The following PDZD2 variants were observed in gnomAD, a reference collection of about 807,000 sequenced individuals.
PDZD2 encodes the protein PDZ domain containing 2.
A neutral mutation model predicts 220.7 loss-of-function variants in PDZD2; 90 were observed. The ratio of observed to expected loss-of-function variants is 0.41; its 90% CI spans 0.34 to 0.49. PDZD2 has a LOEUF of 0.49. Ranked by LOEUF, PDZD2 falls within the 20% of genes least tolerant of loss-of-function variation. The pLI, the probability that PDZD2 is intolerant of heterozygous loss-of-function variation, is 0.28. For missense variants in PDZD2, 3,174 were observed against 3,608.5 expected, an observed-to-expected ratio of 0.88 and a Z score of 3.08; for synonymous variants, 1,375 against 1,450.5, an observed-to-expected ratio of 0.95 and a Z score of 1.18.
chr5:31,960,242 G>A (rs1748090506), intron 2 of PDZD2, among the ~76,000 whole-genome samples: 1 of 149,236 alleles, frequency 6.7e-6, no homozygotes, highest in African/African-American at 2.5e-5. Flanking sequence ...TTTTGACGAA[G>A]TTTCACTCTT....
intron 2 of PDZD2, among the ~76,000 whole-genome samples, chr5:31,868,655 C>T (rs762798519): frequency 2.0e-5 from 3 of 152,242 alleles, no homozygotes; most frequent in East Asian, 1.9e-4. Flanking sequence ...TCCTGGGCCC[C>T]TTGTTCTGGG....
At chr5:32,054,577 A>G (rs987438043) in intron 10 of PDZD2, among the ~76,000 whole-genome samples, 6 of 151,894 alleles carry the variant, frequency 4.0e-5, no homozygotes, top group Non-Finnish European at 7.4e-5. Context: ...CGCCCACCTC[A>G]ACCTCACAAA....
chr5:32,014,309 T>C (rs1384586649), intron 6 of PDZD2, among the ~76,000 whole-genome samples: 2 of 152,176 alleles, frequency 1.3e-5, no homozygotes, highest in East Asian at 1.9e-4. Flanking sequence ...GGATCTGCCA[T>C]GCGTCCCCTT....
chr5:31,807,652 G>C (rs961154561), intron 2 of PDZD2, among the ~76,000 whole-genome samples: 1 of 152,190 alleles, frequency 6.6e-6, no homozygotes, highest in Admixed American at 6.5e-5. Flanking sequence ...TGAGCGAGTG[G>C]CGTGGCATGG....
rs755177769 is a variant in PDZD2 at position 32,104,716 on chromosome 5, T to TAAAA, written c.8354-3226_8354-3223dup. Among the ~76,000 whole-genome samples, 50 of 30,088 alleles carry TAAAA rather than the reference T, an allele frequency of 1.7e-3. 2 individuals are homozygous for TAAAA. The highest frequency in any genetic ancestry group is 2.9e-3 in the African/African-American group (37 of 12,858). The allele number at this position is 30,088 out of a possible 152,430, so 19.7% of individuals were successfully genotyped here. A position where few individuals can be genotyped will look rare whatever the true frequency, so the allele number is the denominator to read the frequency against. ...GCCTGGGGTCAGAGAAGGCTCCATCTAAAAAAAAAAAAAAAAAAAAAAAAA... is the reference window on the plus strand; with the variant it reads ...GCCTGGGGTCAGAGAAGGCTCCATCTAAAAAAAAAAAAAAAAAAAAAAAAAAAAA... On this transcript the variant is annotated intron_variant, in intron 24 of 24. Transcript: ENST00000438447.
chr5:31,669,024 G>A (rs1190632943), intron 1 of PDZD2, among the ~76,000 whole-genome samples: 2 of 152,104 alleles, frequency 1.3e-5, no homozygotes, highest in South Asian at 4.2e-4. Context: ...GGGTGACTTT[G>A]CCCCAGGGGA....
At chr5:32,103,050 A>T (rs1744408104) in intron 24 of PDZD2, among the ~76,000 whole-genome samples, 1 of 152,230 alleles carries the variant, frequency 6.6e-6, no homozygotes, top group Non-Finnish European at 1.5e-5. Context: ...AGAAACCATT[A>T]AAAAATGCAG....
chr5:31,863,744 A>G (rs1044248375), intron 2 of PDZD2, among the ~76,000 whole-genome samples: 2 of 152,208 alleles, frequency 1.3e-5, no homozygotes, highest in African/African-American at 2.4e-5. Flanking sequence ...CTTAGACAAT[A>G]TAAGCATTCC....
intron 6 of PDZD2, among the ~76,000 whole-genome samples, chr5:32,029,615 G>T (rs1754968831): frequency 6.6e-6 from 1 of 152,112 alleles, no homozygotes; most frequent in African/African-American, 2.4e-5. Flanking sequence ...CTCACCATAG[G>T]CAACCTCAGT....
intron 1 of PDZD2, among the ~76,000 whole-genome samples, chr5:31,644,306 A>G (rs901283621): frequency 6.6e-6 from 1 of 152,208 alleles, no homozygotes; most frequent in Non-Finnish European, 1.5e-5. Context: ...TACTTTAGAA[A>G]TAGAGAAAAG....
At chr5:31,757,753 T>C (rs1416266272) in intron 1 of PDZD2, among the ~76,000 whole-genome samples, 1 of 152,168 alleles carries the variant, frequency 6.6e-6, no homozygotes, top group Non-Finnish European at 1.5e-5. Flanking sequence ...GGTTTTGTTA[T>C]GGGCTCAGGA....
chr5:31,811,851 G>A (rs534644226), intron 2 of PDZD2, among the ~76,000 whole-genome samples: 4 of 152,056 alleles, frequency 2.6e-5, no homozygotes, highest in East Asian at 1.9e-4. Flanking sequence ...TTAGCCAGGC[G>A]TGGTGGTGCG....
At chr5:31,678,581 C>G (rs1746534982) in intron 1 of PDZD2, among the ~76,000 whole-genome samples, 1 of 152,060 alleles carries the variant, frequency 6.6e-6, no homozygotes, top group Non-Finnish European at 1.5e-5. Context: ...TCACAGCACC[C>G]CCTACAGCCT....
rs116171324 is a variant in PDZD2, at chr5:31,994,450, C to G, written c.979-1126C>G. Among the ~76,000 whole-genome samples, 364 of 152,104 alleles carry G rather than the reference C, an allele frequency of 2.4e-3. 3 individuals are homozygous for G. The highest frequency in any genetic ancestry group is 8.2e-3 in the African/African-American group (340 of 41,508). Reference sequence around the variant, plus strand: ...TTGTTTTGGTTTCTCTACCAAACGTCTCATTTATATGTTTTAAGGAAGTTT... The same window carrying G: ...TTGTTTTGGTTTCTCTACCAAACGTGTCATTTATATGTTTTAAGGAAGTTT... On this transcript the variant is annotated intron_variant, in intron 3 of 24. Transcript: ENST00000438447.
At chr5:31,992,825 A>G (rs1751322252) in intron 3 of PDZD2, among the ~76,000 whole-genome samples, 1 of 151,574 alleles carries the variant, frequency 6.6e-6, no homozygotes, top group Admixed American at 6.6e-5. Flanking sequence ...CACGGAAAAA[A>G]ACAGCCAGCA....
intron 2 of PDZD2, among the ~76,000 whole-genome samples, chr5:31,948,132 T>G (rs1391167142): frequency 6.6e-6 from 1 of 152,200 alleles, no homozygotes; most frequent in Non-Finnish European, 1.5e-5. Flanking sequence ...AGTACATCAC[T>G]TCTGAATTTC....
Position 32,103,523 on chromosome 5 carries a change from C to CA in PDZD2, c.8353+2285dup, listed in dbSNP as rs1744457992. The CA allele has an allele frequency of 2.0e-5, 3 of 152,314 alleles. 1 individual carries two copies. Among genetic ancestry groups the CA allele is most frequent in the Non-Finnish European group, 2.9e-5 (2 of 68,030 alleles). 9.4% of individuals were successfully genotyped at this position (152,314 alleles called of 1,614,324 possible). On this transcript the variant is annotated intron_variant, in intron 24 of 24. Coordinates refer to ENST00000438447, the MANE Select transcript of PDZD2 (RefSeq NM_178140.4). ...TAGTTTGCTCACTGCATACAACAAT[C>CA]AGAGTGGCGGCATCAATGCCTGAAG...
chr5:32,092,699 C>T (rs1743274954), intron 20 of PDZD2, among the ~76,000 whole-genome samples: 1 of 152,180 alleles, frequency 6.6e-6, no homozygotes, highest in African/African-American at 2.4e-5. Flanking sequence ...ATAGCAGTTC[C>T]CCTTGCCATT....
chr5:31,803,082 C>CTTTAT (rs1226978571), intron 2 of PDZD2, among the ~76,000 whole-genome samples: 6 of 147,002 alleles, frequency 4.1e-5, no homozygotes, highest in Non-Finnish European at 7.4e-5. Flanking sequence ...GGCCCAGAGC[C>CTTTAT]TTTATTTTAT....
Sources: allele counts gnomAD v4.1 joint callset (sites outside exome capture counted in the v4.1 genomes callset), GRCh38; gene constraint gnomAD v4.1.1; transcripts MANE v1.5; gene names NCBI Gene and HGNC (gene_info 2026-07-23, HGNC 2026-07-21).